Variants in ZFAT observed in about 807,000 individuals in gnomAD.
ZFAT encodes zinc finger and AT-hook domain containing.
ZFAT carries 64 observed loss-of-function variants against 117.7 expected under a neutral mutation model. The ratio of observed to expected loss-of-function variants is 0.54; its 90% CI spans 0.44 to 0.67. The LOEUF is 0.67. ZFAT is among the 30% of genes least tolerant of loss of function. The pLI is 0.00. For synonymous variants in ZFAT, 679 were observed against 615.0 expected (o/e 1.10, Z -1.54); for missense variants, 1,433 against 1,584.5 (o/e 0.90, Z 1.62).
chr8:134,491,610 C>T (rs1563767492), intron 15 of ZFAT, among the ~76,000 whole-genome samples: 1 of 152,152 alleles, frequency 6.6e-6, no homozygotes, highest in Non-Finnish European at 1.5e-5. Context: ...TCTAGAGACC[C>T]CTGCATTCCT....
intron 12 of ZFAT, among the ~76,000 whole-genome samples, chr8:134,528,270 G>A (rs1352518272): frequency 6.6e-6 from 1 of 152,206 alleles, no homozygotes; most frequent in Non-Finnish European, 1.5e-5. Flanking sequence ...TTCACAATAG[G>A]AACGATTATG....
chr8:134,719,183 A>G, the ZFAT span, among the ~76,000 whole-genome samples: 1 of 152,212 alleles, frequency 6.6e-6, no homozygotes, highest in Admixed American at 6.5e-5. Flanking sequence ...ATGTTTAACC[A>G]TATGCATATA....
intron 2 of ZFAT, among the ~76,000 whole-genome samples, chr8:134,653,366 T>C (rs1246517437): frequency 1.4e-5 from 2 of 138,242 alleles, no homozygotes; most frequent in Non-Finnish European, 3.1e-5. Context: ...AGCCTCAACA[T>C]CCTGGCTCAG....
At chr8:134,534,756 G>GGA (rs1821699812) in intron 11 of ZFAT, among the ~76,000 whole-genome samples, 1 of 92,950 alleles carries the variant, frequency 1.1e-5, no homozygotes, top group Non-Finnish European at 2.2e-5. Flanking sequence ...AGGAAGAGGG[G>GGA]GAGAGGGAGA....
intron 15 of ZFAT, among the ~76,000 whole-genome samples, chr8:134,489,410 A>C (rs1313389066): frequency 6.6e-6 from 1 of 151,978 alleles, no homozygotes; most frequent in Admixed American, 6.6e-5. Flanking sequence ...GAGTGCAGTG[A>C]CTGCCACCCT....
intron 2 of ZFAT, among the ~76,000 whole-genome samples, chr8:134,653,229 T>C (rs1461051341): frequency 8.9e-6 from 1 of 112,582 alleles, no homozygotes; most frequent in African/African-American, 3.3e-5. Flanking sequence ...GCAGGTTTGC[T>C]ACAAATAGCA....
the ZFAT span, among the ~76,000 whole-genome samples, chr8:134,758,466 T>C: frequency 2.6e-5 from 4 of 152,384 alleles, no homozygotes; most frequent in Admixed American, 2.6e-4. Flanking sequence ...CTAAGCATCT[T>C]GCTTTACTGG....
intron 3 of ZFAT, among the ~76,000 whole-genome samples, chr8:134,626,245 T>C (rs1205416069): frequency 2.0e-5 from 3 of 152,152 alleles, no homozygotes; most frequent in Non-Finnish European, 2.9e-5. Flanking sequence ...CACACGACTC[T>C]GAAGCAGGGG....
At chr8:134,783,898 G>T in the ZFAT span, 2 of 152,324 alleles carry the variant, frequency 1.3e-5, no homozygotes, top group East Asian at 3.9e-4. Context: ...CTGAGACTTG[G>T]TGTCCAAGGT....
At position 134,512,557 on chromosome 8, in the gene ZFAT, G is replaced by A. The variant is rs969553127; in HGVS notation, c.3279C>T (p.His1093=). The change falls in exon 14 of 16, where the codon CAC becomes CAT. Residue 1093 remains histidine, a synonymous_variant. Transcript: ENST00000377838. ...APEEPSTQYL[H]ITEAEEDVQG... Reference sequence around the variant, plus strand: ...GAACGTCTTCTTCGGCCTCTGTGATGTGGAGATACTGGGTGGAGGGCTCCT... The same window carrying A: ...GAACGTCTTCTTCGGCCTCTGTGATATGGAGATACTGGGTGGAGGGCTCCT... The A allele has an allele frequency of 6.2e-7, 1 of 1,614,000 alleles. No individual in the cohort carries two copies. Among genetic ancestry groups the A allele is most frequent in the Admixed American group, 1.7e-5 (1 of 60,028 alleles).
At position 134,700,186 on chromosome 8, in the gene ZFAT, TAC is replaced by T. The variant is rs368058885; in HGVS notation, c.19+12657_19+12658del. Among the ~76,000 whole-genome samples, 578 of 152,350 alleles carry T rather than the reference TAC, an allele frequency of 3.8e-3. 9 individuals carry two copies. Among genetic ancestry groups the T allele is most frequent in the African/African-American group, 0.013 (541 of 41,582 alleles). On this transcript the variant is annotated intron_variant, in intron 1 of 15. Coordinates refer to ENST00000377838, the MANE Select transcript of ZFAT (RefSeq NM_020863.4). ...AAAATCCTCAGATGACATGTTTAGC[TAC>T]AGTTTTGTAGAAATGGAAACTGAGG...
chr8:134,599,899 T>C (rs573279495), intron 7 of ZFAT: 7 of 419,972 alleles, frequency 1.7e-5, no homozygotes, highest in Non-Finnish European at 2.3e-5. Flanking sequence ...TAACAGCATA[T>C]TGAATTAACA....
intron 1 of ZFAT, among the ~76,000 whole-genome samples, chr8:134,702,717 G>C (rs1000681651): frequency 6.6e-6 from 1 of 151,398 alleles, no homozygotes; most frequent in African/African-American, 2.4e-5. Flanking sequence ...TGTCGCCCAG[G>C]CTGGAGTACA....
the ZFAT span, among the ~76,000 whole-genome samples, chr8:134,777,538 G>A: frequency 2.0e-5 from 3 of 152,254 alleles, no homozygotes; most frequent in African/African-American, 7.2e-5. Flanking sequence ...GCCTTTTAGG[G>A]TAATGGTGAA....
At chr8:134,584,048 G>A (rs368955199) in intron 9 of ZFAT, 43 bp from the exon 10 acceptor site, 17 of 1,521,062 alleles carry the variant, frequency 1.1e-5, no homozygotes, top group East Asian at 2.5e-5. Flanking sequence ...ATTTACATAC[G>A]TTTATGCATA....
intron 2 of ZFAT, chr8:134,639,972 A>C (rs978073067): frequency 2.8e-6 from 1 of 353,606 alleles, no homozygotes; most frequent in South Asian, 2.1e-5. Context: ...CCTTGGCTAC[A>C]GGGAGGTGAT....
chr8:134,622,436 C>A (rs957552340), intron 3 of ZFAT, among the ~76,000 whole-genome samples: 1 of 152,172 alleles, frequency 6.6e-6, no homozygotes, highest in Non-Finnish European at 1.5e-5. Flanking sequence ...GGTGTGCATG[C>A]CCCGCGGGGC....
chr8:134,811,876 T>C, the ZFAT span, among the ~76,000 whole-genome samples: 1 of 152,314 alleles, frequency 6.6e-6, no homozygotes, highest in East Asian at 1.9e-4. Context: ...TTAAAATACC[T>C]ATCTTGCCTG....
At chr8:134,485,179 G>A (rs1271558923) in intron 15 of ZFAT, among the ~76,000 whole-genome samples, 4 of 152,116 alleles carry the variant, frequency 2.6e-5, no homozygotes, top group African/African-American at 9.7e-5. Flanking sequence ...AGCTGCCCTG[G>A]GGGGCTCTGC....
Sources: gnomAD v4.1 joint callset for allele counts (sites outside exome capture counted in the v4.1 genomes callset) on GRCh38, gnomAD v4.1.1 for gene constraint, MANE v1.5 for transcripts, NCBI Gene and HGNC (gene_info 2026-07-23, HGNC 2026-07-21) for gene names.